SGCZ: variants seen among roughly 807,000 people sequenced by gnomAD.
SGCZ encodes sarcoglycan zeta, also known as zeta-sarcoglycan.
A neutral mutation model predicts 41.3 loss-of-function variants in SGCZ; 40 were observed. The ratio of observed to expected loss-of-function variants is 0.97; its 90% confidence interval spans 0.75 to 1.26. The LOEUF (loss-of-function observed/expected upper bound fraction) is 1.26, where lower values mean the gene tolerates loss of function less well. Ranked by LOEUF, SGCZ falls within the 50% of genes most tolerant of loss-of-function variation. The pLI is 0.00. For missense variants in SGCZ, 552 were observed against 369.8 expected, an observed-to-expected ratio of 1.49 and a Z score of -4.04; for synonymous variants, 206 against 137.5, an observed-to-expected ratio of 1.50 and a Z score of -3.49.
chr8:14,511,684 A>G (rs1802472668), intron 2 of SGCZ, among the ~76,000 whole-genome samples: 1 of 152,182 alleles, frequency 6.6e-6, no homozygotes, highest in Admixed American at 6.6e-5. Context: ...TGAAATGTGA[A>G]AGAATTTAGG....
At chr8:14,606,794 T>G (rs577716853) in intron 1 of SGCZ, among the ~76,000 whole-genome samples, 3 of 152,272 alleles carry the variant, frequency 2.0e-5, no homozygotes, top group African/African-American at 7.2e-5. Flanking sequence ...TGCTATGATG[T>G]GGTTTATTTT....
chr8:14,241,927 T>G (rs1322689698), intron 3 of SGCZ, among the ~76,000 whole-genome samples: 1 of 152,248 alleles, frequency 6.6e-6, no homozygotes, highest in East Asian at 1.9e-4. Context: ...TTTTTTCTTT[T>G]TATTTCTATT....
Position 14,237,698 on chromosome 8 carries a change from A to C in SGCZ, c.337-19T>G. Reference sequence around the variant, plus strand: ...GACTATCCTGGGAAACATGTATAAAATAAATAAATAGAAAATAGAAATATC... The same window carrying C: ...GACTATCCTGGGAAACATGTATAAACTAAATAAATAGAAAATAGAAATATC... On this transcript the variant is annotated intron_variant, in intron 3 of 7. Transcript: ENST00000382080. 2.5e-6 allele frequency: 4 copies of C among 1,589,432 alleles called. No individual in the cohort carries two copies. The highest frequency in any genetic ancestry group is 3.4e-6 in the Non-Finnish European group (4 of 1,165,446).
intron 2 of SGCZ, among the ~76,000 whole-genome samples, chr8:14,352,626 G>C (rs561389720): frequency 2.0e-5 from 3 of 151,948 alleles, no homozygotes; most frequent in Non-Finnish European, 4.4e-5. Flanking sequence ...CTCTGGCTTG[G>C]GTAACAAGCC....
chr8:14,384,480 A>C (rs1396515730), intron 2 of SGCZ, among the ~76,000 whole-genome samples: 1 of 152,154 alleles, frequency 6.6e-6, no homozygotes, highest in Non-Finnish European at 1.5e-5. Flanking sequence ...ATTGAAAGAT[A>C]ATTGGTTGTT....
At chr8:15,192,810 A>C (rs956703514) in intron 1 of SGCZ, among the ~76,000 whole-genome samples, 5 of 152,118 alleles carry the variant, frequency 3.3e-5, no homozygotes, top group Non-Finnish European at 7.4e-5. Context: ...TGAGTTGTGC[A>C]TTCTTGTGGT....
At chr8:15,112,993 G>A (rs1223422998) in intron 1 of SGCZ, among the ~76,000 whole-genome samples, 1 of 152,200 alleles carries the variant, frequency 6.6e-6, no homozygotes, top group East Asian at 1.9e-4. Context: ...TGGATCGCTT[G>A]GGCCCAGGAG....
chr8:14,705,729 G>C (rs17321715), intron 1 of SGCZ, among the ~76,000 whole-genome samples: 58,745 of 151,856 alleles, frequency 0.39, 13,868 homozygotes, highest in Non-Finnish European at 0.54. Flanking sequence ...CAGAGGTTCT[G>C]AAATAGAACA....
intron 1 of SGCZ, among the ~76,000 whole-genome samples, chr8:15,175,386 G>C (rs184814558): frequency 6.6e-6 from 1 of 152,162 alleles, no homozygotes; most frequent in East Asian, 1.9e-4. Context: ...TCCTTTGCAG[G>C]GACATGGATG....
intron 3 of SGCZ, among the ~76,000 whole-genome samples, chr8:14,313,896 G>A (rs1256699151): frequency 6.2e-5 from 9 of 146,024 alleles, no homozygotes; most frequent in African/African-American, 2.3e-4. Context: ...AAAGTATAGG[G>A]TTATATCATC....
At chr8:14,479,815 G>A (rs927158362) in intron 2 of SGCZ, among the ~76,000 whole-genome samples, 2 of 142,916 alleles carry the variant, frequency 1.4e-5, no homozygotes, top group Admixed American at 7.5e-5. Flanking sequence ...GCATGATCTC[G>A]GCTCACTGCA....
At chr8:15,079,011 A>G (rs1805645840) in intron 1 of SGCZ, among the ~76,000 whole-genome samples, 1 of 152,108 alleles carries the variant, frequency 6.6e-6, no homozygotes, top group South Asian at 2.1e-4. Context: ...TTCAAATTAT[A>G]TCTTTGAGCC....
At chr8:14,385,784 A>C (rs1424268842) in intron 2 of SGCZ, among the ~76,000 whole-genome samples, 1 of 152,192 alleles carries the variant, frequency 6.6e-6, no homozygotes, top group Non-Finnish European at 1.5e-5. Context: ...GGAAACCTAA[A>C]ATGCATGTTT....
At chr8:14,397,081 T>G (rs540535891) in intron 2 of SGCZ, among the ~76,000 whole-genome samples, 2 of 152,138 alleles carry the variant, frequency 1.3e-5, no homozygotes, top group South Asian at 2.1e-4. Context: ...CTCTCAACGT[T>G]ACGTAAATTT....
At position 14,959,799 on chromosome 8, in the gene SGCZ, G is replaced by A. The variant is rs559239672; in HGVS notation, c.39+277786C>T. On this transcript the variant is annotated intron_variant, in intron 1 of 7. Coordinates refer to ENST00000382080, the MANE Select transcript of SGCZ (RefSeq NM_139167.4). ...CACCTACTTATTGGTAATCGAAATA[G>A]TCTTTAGTCCAAATATACAGTCACT... Among the ~76,000 whole-genome samples, 6 of 152,248 alleles carry A rather than the reference G, an allele frequency of 3.9e-5. No homozygotes were observed. The East Asian group carries it at 1.2e-3, about 29-fold the overall frequency.
intron 1 of SGCZ, among the ~76,000 whole-genome samples, chr8:14,630,529 C>G (rs998458657): frequency 6.6e-6 from 1 of 151,762 alleles, no homozygotes; most frequent in South Asian, 2.1e-4. Context: ...TGGGTATACA[C>G]CCAAAGGATT....
chr8:14,506,200 C>G (rs868449125), intron 2 of SGCZ, among the ~76,000 whole-genome samples: 4 of 151,394 alleles, frequency 2.6e-5, no homozygotes, highest in Non-Finnish European at 2.9e-5. Context: ...AACAAACAAA[C>G]AGAAACAAAA....
chr8:14,119,111 A>G (rs560112557), intron 5 of SGCZ, among the ~76,000 whole-genome samples: 16 of 152,236 alleles, frequency 1.1e-4, no homozygotes, highest in Non-Finnish European at 2.1e-4. Flanking sequence ...AGTCATTGGT[A>G]CCTTGATGGG....
intron 1 of SGCZ, among the ~76,000 whole-genome samples, chr8:15,106,233 T>C (rs1246315414): frequency 6.6e-6 from 1 of 152,122 alleles, no homozygotes; most frequent in Non-Finnish European, 1.5e-5. Context: ...TAATTACTAT[T>C]AGCAACTTAT....
Sources: allele counts gnomAD v4.1 joint callset (sites outside exome capture counted in the v4.1 genomes callset), GRCh38; gene constraint gnomAD v4.1.1; transcripts MANE v1.5; gene names NCBI Gene and HGNC (gene_info 2026-07-23, HGNC 2026-07-21).